FOXP1: variants seen among roughly 807,000 people sequenced by gnomAD.
FOXP1 encodes the protein forkhead box protein P1.
A neutral mutation model predicts 98.2 loss-of-function variants in FOXP1; 15 were observed. The ratio of observed to expected loss-of-function variants is 0.15; its 90% confidence interval spans 0.10 to 0.24. The LOEUF (loss-of-function observed/expected upper bound fraction) is 0.24. Among genes scored for constraint, FOXP1 ranks in the 10% least tolerant of loss-of-function variants. The pLI is 1.00. For synonymous variants in FOXP1, 371 were observed against 314.5 expected, an observed-to-expected ratio of 1.18 and a Z score of -1.90; for missense variants, 633 against 848.5, an observed-to-expected ratio of 0.75 and a Z score of 3.15.
chr3:71,507,884 G>A (rs780794971), intron 2 of FOXP1, among the ~76,000 whole-genome samples: 5 of 152,154 alleles, frequency 3.3e-5, no homozygotes, highest in Admixed American at 6.5e-5. Context: ...GCCCAAAACT[G>A]CTACTTTTTA....
chr3:71,088,400 G>T (rs56237264), intron 7 of FOXP1, among the ~76,000 whole-genome samples: 28,454 of 140,614 alleles, frequency 0.2, 3,567 homozygotes, highest in East Asian at 0.5. Flanking sequence ...TTTGTTTTTT[G>T]TTTTTTTTTT....
intron 14 of FOXP1, among the ~76,000 whole-genome samples, chr3:70,984,325 G>GT (rs2039378592): frequency 6.6e-6 from 1 of 152,180 alleles, no homozygotes; most frequent in African/African-American, 2.4e-5. Context: ...TTAACCTAAG[G>GT]AAAGGTTCAC....
Position 71,581,546 on chromosome 3 carries a change from T to A in FOXP1, c.-298+3A>T, listed in dbSNP as rs1306105701. 1.0e-6 allele frequency: 1 copy of A among 985,228 alleles called. No individual in the cohort carries two copies. Among genetic ancestry groups the A allele is most frequent in the Non-Finnish European group, 1.2e-6 (1 of 829,918 alleles). 61.0% of individuals were successfully genotyped at this position (985,228 alleles called of 1,614,324 possible). On this transcript the variant is annotated splice_donor_region_variant and intron_variant, in intron 2 of 20. Transcript: ENST00000649528. ...CCCCGCGCCCGCGGCCGCCTCGACT[T>A]ACCCGCGGAGTCCGGGGAGGGAGTA...
intron 5 of FOXP1, among the ~76,000 whole-genome samples, chr3:71,255,263 G>A (rs2068528291): frequency 6.6e-6 from 1 of 152,106 alleles, no homozygotes; most frequent in Non-Finnish European, 1.5e-5. Context: ...AATTGTTTAG[G>A]TCAGAATATA....
chr3:71,564,862 C>G (rs796879305), intron 2 of FOXP1, among the ~76,000 whole-genome samples: 8 of 152,310 alleles, frequency 5.3e-5, no homozygotes, highest in African/African-American at 1.9e-4. Flanking sequence ...GGCCTGTAAT[C>G]TCAGCACTTT....
chr3:71,368,202 A>G (rs1028016449), intron 3 of FOXP1, among the ~76,000 whole-genome samples: 3 of 150,492 alleles, frequency 2.0e-5, no homozygotes, highest in Non-Finnish European at 4.4e-5. Context: ...TCGGCTCACT[A>G]CAAACTCTGC....
At chr3:71,269,103 T>TTG (rs1399074205) in intron 5 of FOXP1, among the ~76,000 whole-genome samples, 4 of 150,042 alleles carry the variant, frequency 2.7e-5, no homozygotes, top group Non-Finnish European at 5.9e-5. Context: ...TTTTTGTTTT[T>TTG]TTTTTTTTTC....
intron 4 of FOXP1, among the ~76,000 whole-genome samples, chr3:71,347,795 G>T (rs1288718001): frequency 2.0e-5 from 3 of 151,870 alleles, no homozygotes; most frequent in Admixed American, 6.6e-5. Flanking sequence ...TGAGGCAAGA[G>T]AATCGCTTGA....
intron 3 of FOXP1, among the ~76,000 whole-genome samples, chr3:71,421,105 G>T (rs2083608886): frequency 6.6e-6 from 1 of 152,198 alleles, no homozygotes; most frequent in African/African-American, 2.4e-5. Context: ...CTACTGGACT[G>T]CAAGGGACAG....
chr3:71,011,012 A>AT (rs1417384465), intron 12 of FOXP1, among the ~76,000 whole-genome samples: 7 of 152,104 alleles, frequency 4.6e-5, no homozygotes, highest in Non-Finnish European at 8.8e-5. Context: ...CAAGAAGACT[A>AT]ACTTATTTTC....
At chr3:71,161,983 G>C (rs893122852) in intron 6 of FOXP1, among the ~76,000 whole-genome samples, 1 of 152,130 alleles carries the variant, frequency 6.6e-6, no homozygotes, top group African/African-American at 2.4e-5. Flanking sequence ...CACCCAAAAG[G>C]GAAAAGCTCC....
At chr3:71,463,354 CAAAAAAA>C (rs60302484) in intron 3 of FOXP1, among the ~76,000 whole-genome samples, 105 of 65,374 alleles carry the variant, frequency 1.6e-3, no homozygotes, top group South Asian at 3.6e-3. Flanking sequence ...GACACTGTCT[CAAAAAAA>C]AAAAAAAAAA....
intron 4 of FOXP1, among the ~76,000 whole-genome samples, chr3:71,308,749 ATGTGTGTGTGTGTGTGTGTGTG>A (rs71104439): frequency 0.037 from 4,955 of 132,274 alleles, 121 homozygotes; most frequent in Non-Finnish European, 0.048. Context: ...TTCTACCACA[ATGTGTGTGTGTGTGTGTGTGTG>A]TGTGTGTGTG....
At chr3:71,393,783 G>GCA (rs2081197354) in intron 3 of FOXP1, among the ~76,000 whole-genome samples, 1 of 152,154 alleles carries the variant, frequency 6.6e-6, no homozygotes, top group African/African-American at 2.4e-5. Context: ...AATCTCTAGG[G>GCA]CCACTTACAT....
chr3:71,541,326 A>T (rs943762171), intron 2 of FOXP1, among the ~76,000 whole-genome samples: 1 of 152,222 alleles, frequency 6.6e-6, no homozygotes, highest in Admixed American at 6.5e-5. Flanking sequence ...TAATGAAAAT[A>T]AAAAAAGAAG....
intron 7 of FOXP1, among the ~76,000 whole-genome samples, chr3:71,060,627 T>G (rs985109512): frequency 2.0e-5 from 3 of 152,252 alleles, no homozygotes; most frequent in Admixed American, 6.5e-5. Flanking sequence ...AATCAAAATT[T>G]AATGTATTCT....
At chr3:71,118,998 A>C (rs1262424870) in intron 6 of FOXP1, among the ~76,000 whole-genome samples, 1 of 152,182 alleles carries the variant, frequency 6.6e-6, no homozygotes, top group East Asian at 1.9e-4. Context: ...TGCTATCTGT[A>C]GTCTGAGATC....
intron 6 of FOXP1, among the ~76,000 whole-genome samples, chr3:71,162,681 A>C (rs140711431): frequency 6.6e-6 from 1 of 152,210 alleles, no homozygotes; most frequent in African/African-American, 2.4e-5. Context: ...TGTCTGGTGA[A>C]GCCCCACCCA....
chr3:71,186,509 G>A (rs988721419), intron 6 of FOXP1, among the ~76,000 whole-genome samples: 11 of 152,162 alleles, frequency 7.2e-5, no homozygotes, highest in African/African-American at 2.2e-4. Context: ...TCAAGAGATC[G>A]AGACCATCCT....
Sources: allele counts gnomAD v4.1 joint callset (sites outside exome capture counted in the v4.1 genomes callset), GRCh38; gene constraint gnomAD v4.1.1; transcripts MANE v1.5; gene names NCBI Gene and HGNC (gene_info 2026-07-23, HGNC 2026-07-21).